Variants in ELL observed in about 807,000 individuals in gnomAD.
ELL encodes elongation factor for RNA polymerase II.
In ELL, 18 loss-of-function variants were observed where a neutral mutation model predicts 64.0. The ratio of observed to expected loss-of-function variants is 0.28; its 90% CI spans 0.19 to 0.42. The LOEUF (loss-of-function observed/expected upper bound fraction) is 0.42. ELL is among the 10% of genes least tolerant of loss of function. The probability of loss-of-function intolerance (pLI) is 1.00; values close to 1 mark genes in which losing one functional copy is unlikely to be tolerated. For missense variants in ELL, 797 were observed against 870.4 expected (o/e 0.92, Z 1.06); for synonymous variants, 399 against 376.2 (o/e 1.06, Z -0.70).
chr19:18,458,228 C>T lies in ELL; in HGVS notation c.846G>A (p.Gln282=). ...ACCGGACGAGCACCCGCTTCAGCAG[C>T]TGCTGGTCCCCCTCCGAGTAGCCAG... ...DWPGYSEGDQ[Q]LLKRVLVRKL... is the part of the protein sequence containing the mutation. Residue 282 remains glutamine (Q), a synonymous_variant, in exon 6 of 12, where the codon CAG becomes CAA. Coordinates refer to ENST00000262809, the MANE Select transcript of ELL (RefSeq NM_006532.4). The T allele has an allele frequency of 1.2e-6, 2 of 1,611,618 alleles. No individual in the cohort carries two copies. Among genetic ancestry groups the T allele is most frequent in the Non-Finnish European group, 1.7e-6 (2 of 1,180,020 alleles).
Position 18,444,587 on chromosome 19 carries a change from G to C in ELL, c.*165C>G. ...GGAAGCGCAGGGAGGGCCGAGGTGGGCTTGCAGCCACCCGCCAGGGCCAGA... is the reference window on the plus strand; with the variant it reads ...GGAAGCGCAGGGAGGGCCGAGGTGGCCTTGCAGCCACCCGCCAGGGCCAGA... On this transcript the variant is annotated 3_prime_UTR_variant, in exon 12 of 12. Coordinates refer to ENST00000262809, the MANE Select transcript of ELL (RefSeq NM_006532.4). 1.5e-6 allele frequency: 1 copy of C among 681,732 alleles called. No individual in the cohort carries two copies. The highest frequency in any genetic ancestry group is 2.4e-6 in the Non-Finnish European group (1 of 419,210). The allele number at this position is 681,732 out of a possible 1,614,324, so 42.2% of individuals were successfully genotyped here.
In ELL at chr19:18,470,513, G is replaced by A. The variant is rs145884495; in HGVS notation, c.183+2322C>T. ...CTGACCCCTGAGAGAATGTCCTGGG[G>A]AAGGTAAAAAGGAGGTGGCCAAAGG... On this transcript the variant is annotated intron_variant, in intron 2 of 11. Coordinates refer to ENST00000262809, the MANE Select transcript of ELL (RefSeq NM_006532.4). 6.6e-4 allele frequency among the ~76,000 whole-genome samples: 101 copies of A among 152,338 alleles called. 1 individual carries two copies. Among genetic ancestry groups the A allele is most frequent in the Middle Eastern group, 3.4e-3 (1 of 294 alleles).
chr19:18,516,547 C>T (rs972507019), intron 1 of ELL, among the ~76,000 whole-genome samples: 1 of 137,114 alleles, frequency 7.3e-6, no homozygotes, highest in Non-Finnish European at 1.5e-5. Flanking sequence ...ATCTCAATCA[C>T]TGGTGGGTAT....
chr19:18,451,417 G>A (rs915844723), intron 7 of ELL, 135 bp downstream of exon 7: 8 of 830,366 alleles, frequency 9.6e-6, no homozygotes, highest in Non-Finnish European at 1.4e-5. Flanking sequence ...CTTGGTCCCT[G>A]GGCGGAGGGA....
At position 18,450,616 on chromosome 19, in the gene ELL, G is replaced by A. The variant is rs769123637; in HGVS notation, c.1326C>T (p.Ser442=). 2 of 1,610,352 alleles carry A rather than the reference G, an allele frequency of 1.2e-6. No homozygotes were observed. The highest frequency in any genetic ancestry group is 2.2e-5 in the South Asian group (2 of 90,812). The change falls in exon 8 of 12, where the codon AGC becomes AGT. Residue 442 remains serine, a synonymous_variant. Transcript: ENST00000262809. Reference sequence around the variant, plus strand: ...TCTTCTTGGGCTTGCTGCGCGAGGGGCTGCCGTGTGGCCTGCTGGGCTGGG... The same window carrying A: ...TCTTCTTGGGCTTGCTGCGCGAGGGACTGCCGTGTGGCCTGCTGGGCTGGG... The part of the protein sequence containing the change: ...DCAQPSRPHG[S]PSRSKPKKKS...
rs145278769 is a variant in ELL at position 18,518,937 on chromosome 19, C to G, written c.135+2984G>C. ...ACCAGAGCCCTCTGGGGAGAGAAAA[C>G]AGGAGGGCTTCTACCTGGGCTGTTC... On this transcript the variant is annotated intron_variant, in intron 1 of 11. Coordinates refer to ENST00000262809, the MANE Select transcript of ELL (RefSeq NM_006532.4). Among the ~76,000 whole-genome samples the G allele has an allele frequency of 6.6e-4, 101 of 152,256 alleles. 1 individual carries two copies. Among genetic ancestry groups the G allele is most frequent in the Middle Eastern group, 3.4e-3 (1 of 294 alleles).
chr19:18,451,115 A>G, intron 7 of ELL, 140 bp from the exon 8 acceptor site: 1 of 1,228,830 alleles, frequency 8.1e-7, no homozygotes, highest in Non-Finnish European at 1.1e-6. Flanking sequence ...GCACCAAGTC[A>G]GGTCCCAGGT....
chr19:18,491,764 A>T (rs1279737466), intron 1 of ELL, among the ~76,000 whole-genome samples: 4 of 152,034 alleles, frequency 2.6e-5, no homozygotes, highest in African/African-American at 9.7e-5. Context: ...AAAAAAACAA[A>T]AGATTAGCTG....
intron 1 of ELL, among the ~76,000 whole-genome samples, chr19:18,497,985 G>A (rs941656001): frequency 3.3e-5 from 5 of 151,854 alleles, no homozygotes; most frequent in African/African-American, 7.3e-5. Flanking sequence ...AAAATTAGCC[G>A]GGTGTGGTGG....
chr19:18,465,704 T>A (rs16982427), intron 3 of ELL, 93 bp downstream of exon 3: 15,450 of 1,461,142 alleles, frequency 0.011, 226 homozygotes, highest in African/African-American at 0.072. Context: ...TCAGGCAATA[T>A]GGTTTCAATG....
intron 1 of ELL, among the ~76,000 whole-genome samples, chr19:18,521,015 C>G (rs1450574571): frequency 6.6e-6 from 1 of 151,958 alleles, no homozygotes; most frequent in Non-Finnish European, 1.5e-5. Flanking sequence ...AGAACATACA[C>G]AGCAGCCTCC....
At chr19:18,521,793 G>A (rs1976285578) in intron 1 of ELL, 128 bp downstream of exon 1, 1 of 1,345,358 alleles carries the variant, frequency 7.4e-7, no homozygotes, top group Non-Finnish European at 9.7e-7. Flanking sequence ...GCGCCCCGCC[G>A]GCCCAGGGAC....
At chr19:18,518,735 G>A (rs193024558) in intron 1 of ELL, among the ~76,000 whole-genome samples, 97 of 151,894 alleles carry the variant, frequency 6.4e-4, no homozygotes, top group Admixed American at 2.1e-3. Context: ...AGGTTGCAGT[G>A]AGCTGAGATC....
chr19:18,486,191 C>G (rs1975411945), intron 1 of ELL, among the ~76,000 whole-genome samples: 1 of 152,086 alleles, frequency 6.6e-6, no homozygotes, highest in Admixed American at 6.5e-5. Flanking sequence ...AGCCCTGCAA[C>G]CTGGGAAGGA....
At chr19:18,517,321 G>A (rs563897035) in intron 1 of ELL, among the ~76,000 whole-genome samples, 20 of 152,232 alleles carry the variant, frequency 1.3e-4, no homozygotes, top group African/African-American at 3.9e-4. Context: ...GCAGTGGTGC[G>A]ATCTCGGTTC....
intron 6 of ELL, among the ~76,000 whole-genome samples, chr19:18,451,988 A>C (rs973476498): frequency 6.6e-6 from 1 of 152,196 alleles, no homozygotes; most frequent in Non-Finnish European, 1.5e-5. Flanking sequence ...CACTGCAGAA[A>C]CTGTCCAAAA....
chr19:18,484,849 T>G (rs1975378325), intron 1 of ELL, among the ~76,000 whole-genome samples: 1 of 152,178 alleles, frequency 6.6e-6, no homozygotes, highest in South Asian at 2.1e-4. Context: ...GAAACTGCCC[T>G]CTCACCAAAC....
intron 1 of ELL, among the ~76,000 whole-genome samples, chr19:18,509,598 T>TGCGC (rs1975968339): frequency 4.9e-5 from 4 of 81,856 alleles, no homozygotes; most frequent in African/African-American, 2.7e-4. Context: ...CGCGCGCACA[T>TGCGC]ACACACACAC....
intron 1 of ELL, among the ~76,000 whole-genome samples, chr19:18,484,406 A>G (rs1387323078): frequency 2.0e-5 from 3 of 152,230 alleles, no homozygotes; most frequent in East Asian, 1.9e-4. Flanking sequence ...GGGAGGTTGC[A>G]GTGAGCCAAG....
Sources: gnomAD v4.1 joint callset for allele counts (sites outside exome capture counted in the v4.1 genomes callset) on GRCh38, gnomAD v4.1.1 for gene constraint, MANE v1.5 for transcripts, NCBI Gene and HGNC (gene_info 2026-07-23, HGNC 2026-07-21) for gene names.